The following DKK4 variants were observed in gnomAD, a reference collection of about 807,000 sequenced individuals.
DKK4 encodes the protein dickkopf-related protein 4.
A neutral mutation model predicts 14.5 loss-of-function variants in DKK4; 15 were observed. The ratio of observed to expected loss-of-function variants is 1.03; its 90% CI spans 0.69 to 1.59. The LOEUF (loss-of-function observed/expected upper bound fraction) is 1.59, where lower values mean the gene tolerates loss of function less well. Ranked by LOEUF, DKK4 falls within the 40% of genes most tolerant of loss-of-function variation. The pLI, the probability that DKK4 is intolerant of heterozygous loss-of-function variation, is 0.00. For missense variants in DKK4, 272 were observed against 280.3 expected (o/e 0.97, Z 0.21); for synonymous variants, 89 against 105.2 (o/e 0.85, Z 0.94).
chr8:42,385,703 C>T, the DKK4 span, among the ~76,000 whole-genome samples: 2 of 152,188 alleles, frequency 1.3e-5, no homozygotes. Context: ...GAGCATTTCC[C>T]AATTTCTGGT....
chr8:42,388,940 T>A, the DKK4 span, among the ~76,000 whole-genome samples: 4 of 152,250 alleles, frequency 2.6e-5, no homozygotes, highest in African/African-American at 9.6e-5. Flanking sequence ...GCACTATGGT[T>A]ACATTATTTG....
the DKK4 span, among the ~76,000 whole-genome samples, chr8:42,384,970 A>G: frequency 6.6e-6 from 1 of 152,188 alleles, no homozygotes; most frequent in African/African-American, 2.4e-5. Context: ...TGGAAGCTAG[A>G]GCTTCACTAG....
chr8:42,374,985 A>G, intron 2 of DKK4, 72 bp from the exon 3 acceptor site: 1 of 1,517,018 alleles, frequency 6.6e-7, no homozygotes. Context: ...TAATTATCCT[A>G]CTGTTGCATA....
At chr8:42,382,016 C>T (rs73622201), upstream of DKK4, among the ~76,000 whole-genome samples, 12,059 of 152,060 alleles carry the variant, frequency 0.079, 836 homozygotes, top group African/African-American at 0.18. Flanking sequence ...AACAAAAACA[C>T]GACAAAAAAA....
upstream of DKK4, among the ~76,000 whole-genome samples, chr8:42,379,688 G>A (rs1315067925): frequency 6.6e-6 from 1 of 152,010 alleles, no homozygotes; most frequent in African/African-American, 2.4e-5. Context: ...TGGTTGCATA[G>A]GGGCTTCCTA....
At chr8:42,378,103 C>G (rs1824596549), upstream of DKK4, among the ~76,000 whole-genome samples, 1 of 152,174 alleles carries the variant, frequency 6.6e-6, no homozygotes, top group Non-Finnish European at 1.5e-5. Context: ...CCTTTCCTGT[C>G]TGATTTTTTT....
upstream of DKK4, among the ~76,000 whole-genome samples, chr8:42,380,676 GAAAGA>G (rs551626541): frequency 5.2e-4 from 71 of 136,080 alleles, no homozygotes; most frequent in South Asian, 1.2e-3. Flanking sequence ...GGAAGAAAGA[GAAAGA>G]AAAGAAAAGA....
chr8:42,374,070 C>T lies in DKK4; in HGVS notation c.*30G>A. 2 of 1,608,774 alleles carry T rather than the reference C, an allele frequency of 1.2e-6. No homozygotes were observed. Among genetic ancestry groups the T allele is most frequent in the Non-Finnish European group, 1.7e-6 (2 of 1,178,902 alleles). On this transcript the variant is annotated 3_prime_UTR_variant, in exon 4 of 4. Transcript: ENST00000220812. ...TAATGTCCAAGATTGAGCTCAAATG[C>T]AATGTGGATTCTTCTTTATTTTGAA...
upstream of DKK4, among the ~76,000 whole-genome samples, chr8:42,378,943 CAAAAA>C (rs1166439885): frequency 1.0e-4 from 5 of 49,460 alleles, no homozygotes; most frequent in Non-Finnish European, 1.7e-4. Flanking sequence ...CCTGTCTCCA[CAAAAA>C]AAAAAAAAAA....
At chr8:42,390,252 C>G in the DKK4 span, among the ~76,000 whole-genome samples, 3 of 151,900 alleles carry the variant, frequency 2.0e-5, no homozygotes, top group Non-Finnish European at 4.4e-5. Flanking sequence ...CAAATTTCCC[C>G]GATTGTCCCA....
At chr8:42,376,494 A>G (rs972812183) in intron 1 of DKK4, among the ~76,000 whole-genome samples, 1 of 152,232 alleles carries the variant, frequency 6.6e-6, no homozygotes, top group Non-Finnish European at 1.5e-5. Context: ...AAGGCAATGC[A>G]TCATGGCCCT....
the DKK4 span, among the ~76,000 whole-genome samples, chr8:42,389,692 T>C: frequency 6.6e-6 from 1 of 152,188 alleles, no homozygotes; most frequent in Non-Finnish European, 1.5e-5. Context: ...AGTGGAAAAT[T>C]TCAAGAATAG....
the DKK4 span, among the ~76,000 whole-genome samples, chr8:42,391,041 C>T: frequency 6.6e-6 from 1 of 152,148 alleles, no homozygotes; most frequent in Non-Finnish European, 1.5e-5. Flanking sequence ...TCTATTCTAC[C>T]TTTATTAGTT....
the DKK4 span, among the ~76,000 whole-genome samples, chr8:42,389,615 T>C: frequency 2.0e-5 from 3 of 152,364 alleles, no homozygotes; most frequent in East Asian, 5.8e-4. Context: ...TATTGTGTAC[T>C]GTGGAGTATC....
chr8:42,389,178 A>G, the DKK4 span, among the ~76,000 whole-genome samples: 1 of 152,184 alleles, frequency 6.6e-6, no homozygotes, highest in Non-Finnish European at 1.5e-5. Flanking sequence ...TCCTGGGCTC[A>G]AGCAATCCAC....
At chr8:42,378,711 A>G (rs1263199181), upstream of DKK4, among the ~76,000 whole-genome samples, 1 of 152,106 alleles carries the variant, frequency 6.6e-6, no homozygotes, top group East Asian at 1.9e-4. Flanking sequence ...ACACAGGCGA[A>G]AGAACTGACG....
chr8:42,374,672 A>G, intron 3 of DKK4, 89 bp downstream of exon 3: 2 of 1,533,424 alleles, frequency 1.3e-6, no homozygotes, highest in Non-Finnish European at 1.8e-6. Flanking sequence ...GGGATGGAGA[A>G]GAATAAAATC....
chr8:42,377,145 G>A lies in DKK4; in HGVS notation c.-100C>T. 2.2e-6 allele frequency: 2 copies of A among 906,564 alleles called. No individual in the cohort carries two copies. Among genetic ancestry groups the A allele is most frequent in the South Asian group, 1.5e-5 (1 of 65,678 alleles). 56.2% of individuals were successfully genotyped at this position (906,564 alleles called of 1,614,324 possible). A position where few individuals can be genotyped will look rare whatever the true frequency, so the allele number is the denominator to read the frequency against. On this transcript the variant is annotated 5_prime_UTR_variant, in exon 1 of 4. Coordinates refer to ENST00000220812, the MANE Select transcript of DKK4 (RefSeq NM_014420.3). The stretch of plus-strand genomic sequence containing the variant: ...GAGCTTCCACTAAGCTGGCAGCTCA[G>A]CACGTCGTCTGTTTGTCACTGCTTT...
chr8:42,381,715 G>C (rs1169667736), upstream of DKK4, among the ~76,000 whole-genome samples: 1 of 152,130 alleles, frequency 6.6e-6, no homozygotes, highest in Non-Finnish European at 1.5e-5. Flanking sequence ...CCATGAGCTC[G>C]AGCCAGGCGC....
Sources: gnomAD v4.1 joint callset for allele counts (sites outside exome capture counted in the v4.1 genomes callset) on GRCh38, gnomAD v4.1.1 for gene constraint, MANE v1.5 for transcripts, NCBI Gene and HGNC (gene_info 2026-07-23, HGNC 2026-07-21) for gene names.